The following IGF2BP3 variants were observed in gnomAD, a reference collection of about 807,000 sequenced individuals.
The protein encoded by IGF2BP3 is insulin like growth factor 2 mRNA binding protein 3, also known as insulin-like growth factor 2 mRNA-binding protein 3.
A neutral mutation model predicts 73.8 loss-of-function variants in IGF2BP3; 9 were observed. The observed-to-expected ratio is 0.12, with a 90% confidence interval of 0.07 to 0.21. The LOEUF (loss-of-function observed/expected upper bound fraction) is 0.21. Among genes scored for constraint, IGF2BP3 ranks in the 10% least tolerant of loss-of-function variants. The probability of loss-of-function intolerance (pLI) is 1.00; values close to 1 mark genes in which losing one functional copy is unlikely to be tolerated. For synonymous variants in IGF2BP3, 258 were observed against 256.7 expected (o/e 1.01, Z -0.05); for missense variants, 542 against 714.0 (o/e 0.76, Z 2.75).
At chr7:23,313,108 AT>A (rs1441719627) in intron 13 of IGF2BP3, among the ~76,000 whole-genome samples, 4 of 152,250 alleles carry the variant, frequency 2.6e-5, no homozygotes, top group Non-Finnish European at 5.9e-5. Context: ...TATGTACTCA[AT>A]CACTTCAAAA....
intron 3 of IGF2BP3, among the ~76,000 whole-genome samples, chr7:23,364,541 T>C (rs400002): frequency 0.026 from 2,987 of 113,176 alleles, 93 homozygotes; most frequent in South Asian, 0.081. Context: ...GAGCGAGACT[T>C]TGTGTCAAAA....
chr7:23,420,301 A>G (rs544484710), intron 2 of IGF2BP3, among the ~76,000 whole-genome samples: 1 of 152,250 alleles, frequency 6.6e-6, no homozygotes, highest in Non-Finnish European at 1.5e-5. Flanking sequence ...CCCCATCTCT[A>G]CAAAAATCTT....
chr7:23,404,674 ATACTGAATAGTAAT>A (rs1178741509), intron 3 of IGF2BP3, among the ~76,000 whole-genome samples: 2 of 151,764 alleles, frequency 1.3e-5, no homozygotes, highest in Admixed American at 6.6e-5. Context: ...ATGGAAAGTA[ATACTGAATAGTAAT>A]TACTGAATAG....
In IGF2BP3 at chr7:23,353,831, C is replaced by T. The variant is rs115085192; in HGVS notation, c.402-2245G>A. ...TAACGCTGTACTTTCCTCCTGTCCCCTTTTTTTCTTAAGGGAATGTGGATT... is the reference window on the plus strand; with the variant it reads ...TAACGCTGTACTTTCCTCCTGTCCCTTTTTTTTCTTAAGGGAATGTGGATT... On this transcript the variant is annotated intron_variant, in intron 5 of 14. Coordinates refer to ENST00000258729, the MANE Select transcript of IGF2BP3 (RefSeq NM_006547.3). Among the ~76,000 whole-genome samples, 1,253 of 152,182 alleles carry T rather than the reference C, an allele frequency of 8.2e-3. 16 individuals carry two copies. Among genetic ancestry groups the T allele is most frequent in the African/African-American group, 0.029 (1,189 of 41,512 alleles).
intron 5 of IGF2BP3, 141 bp from the exon 6 acceptor site, chr7:23,351,727 G>A (rs142113328): frequency 6.7e-5 from 53 of 794,510 alleles, no homozygotes; most frequent in Non-Finnish European, 8.8e-5. Flanking sequence ...CAGCAAACCC[G>A]CAACACACAT....
chr7:23,346,974 T>C (rs1784844757), intron 7 of IGF2BP3, among the ~76,000 whole-genome samples: 1 of 152,200 alleles, frequency 6.6e-6, no homozygotes, highest in Admixed American at 6.5e-5. Flanking sequence ...CCACATATAA[T>C]ATTACTAAAA....
chr7:23,462,856 C>T (rs769261453), intron 2 of IGF2BP3, among the ~76,000 whole-genome samples: 21 of 152,194 alleles, frequency 1.4e-4, no homozygotes, highest in Non-Finnish European at 2.5e-4. Context: ...CAATTTCAGA[C>T]CATGATACAT....
intron 10 of IGF2BP3, among the ~76,000 whole-genome samples, chr7:23,320,817 G>A (rs555153660): frequency 2.4e-4 from 36 of 151,550 alleles, no homozygotes; most frequent in Admixed American, 5.9e-4. Context: ...GCATGGTAGC[G>A]CTTGCCTGTG....
rs149318904 is a variant in IGF2BP3, at chr7:23,450,255, T to C, written c.236+18227A>G. Among the ~76,000 whole-genome samples, 1,156 of 152,348 alleles carry C rather than the reference T, an allele frequency of 7.6e-3. 9 individuals are homozygous for C. The highest frequency in any genetic ancestry group is 0.01 in the Non-Finnish European group (692 of 68,032). The stretch of plus-strand genomic sequence containing the variant: ...GCACTTCTGCTACCTATCCTGGTTG[T>C]CTGCACAAAAAGCACTGTGCAGTTG... On this transcript the variant is annotated intron_variant, in intron 2 of 14. Transcript: ENST00000258729.
At chr7:23,439,536 G>A (rs1317568881) in intron 2 of IGF2BP3, among the ~76,000 whole-genome samples, 2 of 112,084 alleles carry the variant, frequency 1.8e-5, no homozygotes, top group African/African-American at 7.0e-5. Context: ...CAGCCTGGGA[G>A]ACAACGAGAC....
At chr7:23,455,725 G>A (rs1236820306) in intron 2 of IGF2BP3, among the ~76,000 whole-genome samples, 2 of 152,164 alleles carry the variant, frequency 1.3e-5, no homozygotes. Flanking sequence ...TCCCTCTGTT[G>A]CCCAGGCTGG....
intron 10 of IGF2BP3, among the ~76,000 whole-genome samples, chr7:23,338,444 C>G (rs1784628395): frequency 6.6e-6 from 1 of 152,052 alleles, no homozygotes; most frequent in Admixed American, 6.6e-5. Flanking sequence ...TCACTTGCAC[C>G]CAGGAGTTCA....
intron 6 of IGF2BP3, among the ~76,000 whole-genome samples, chr7:23,349,676 A>T (rs1583918417): frequency 1.3e-5 from 2 of 152,316 alleles, no homozygotes; most frequent in Admixed American, 1.3e-4. Flanking sequence ...GTCAAGAGTT[A>T]ATTAAATCCA....
At chr7:23,402,504 C>T (rs1309610272) in intron 3 of IGF2BP3, 1 of 152,094 alleles carries the variant, frequency 6.6e-6, no homozygotes, top group Non-Finnish European at 1.5e-5. Flanking sequence ...GGGAGTAAAA[C>T]ATTTGAGCAT....
At chr7:23,394,360 G>T (rs569127446) in intron 3 of IGF2BP3, among the ~76,000 whole-genome samples, 1 of 152,038 alleles carries the variant, frequency 6.6e-6, no homozygotes, top group Non-Finnish European at 1.5e-5. Context: ...CCAGCTACTC[G>T]GGAAGCTGAG....
At chr7:23,440,286 A>G (rs1787901293) in intron 2 of IGF2BP3, among the ~76,000 whole-genome samples, 1 of 147,372 alleles carries the variant, frequency 6.8e-6, no homozygotes, top group Non-Finnish European at 1.5e-5. Flanking sequence ...AAAAAAAAAA[A>G]TTAGCTGGGC....
intron 10 of IGF2BP3, among the ~76,000 whole-genome samples, chr7:23,333,297 G>A (rs1177569320): frequency 3.9e-5 from 6 of 152,178 alleles, no homozygotes; most frequent in Non-Finnish European, 8.8e-5. Flanking sequence ...ATTAAAAAAT[G>A]ACTATTCCTG....
At chr7:23,458,597 G>A (rs1450768506) in intron 2 of IGF2BP3, among the ~76,000 whole-genome samples, 2 of 152,042 alleles carry the variant, frequency 1.3e-5, no homozygotes, top group Non-Finnish European at 2.9e-5. Flanking sequence ...CATGCCCTCT[G>A]CTCTAACCTC....
chr7:23,379,019 G>A (rs1447771214), intron 3 of IGF2BP3, among the ~76,000 whole-genome samples: 1 of 152,210 alleles, frequency 6.6e-6, no homozygotes, highest in Non-Finnish European at 1.5e-5. Context: ...TGAACACACT[G>A]CTAGGACAAG....
Sources: allele counts gnomAD v4.1 joint callset (sites outside exome capture counted in the v4.1 genomes callset), GRCh38; gene constraint gnomAD v4.1.1; transcripts MANE v1.5; gene names NCBI Gene and HGNC (gene_info 2026-07-23, HGNC 2026-07-21).